SUCLG2: variants seen among roughly 807,000 people sequenced by gnomAD.
The protein encoded by SUCLG2 is succinate-CoA ligase GDP-forming subunit beta, also known as succinate--CoA ligase [GDP-forming] subunit beta, mitochondrial.
A neutral mutation model predicts 47.9 loss-of-function variants in SUCLG2; 42 were observed. That is an observed-to-expected ratio of 0.88 (90% confidence interval 0.69 to 1.14). The LOEUF (loss-of-function observed/expected upper bound fraction) is 1.14. Ranked by LOEUF, SUCLG2 falls within the 50% of genes most tolerant of loss-of-function variation. SUCLG2 has a pLI of 0.00. For synonymous variants in SUCLG2, 195 were observed against 197.3 expected, an observed-to-expected ratio of 0.99 and a Z score of 0.10; for missense variants, 571 against 525.9, an observed-to-expected ratio of 1.09 and a Z score of -0.84.
At chr3:67,445,660 C>A (rs1703910741) in intron 9 of SUCLG2, among the ~76,000 whole-genome samples, 1 of 19,314 alleles carries the variant, frequency 5.2e-5, no homozygotes, top group Non-Finnish European at 1.0e-4. Context: ...ATGAAAGCTG[C>A]AATAGAAACT....
chr3:67,496,500 T>A (rs1242374558), intron 8 of SUCLG2, among the ~76,000 whole-genome samples: 2 of 152,174 alleles, frequency 1.3e-5, no homozygotes, highest in South Asian at 4.1e-4. Context: ...CTTAGTACAG[T>A]CATACATGTT....
Position 67,360,719 on chromosome 3 carries a change from T to C in SUCLG2, c.1233A>G (p.Thr411=). The change falls in exon 11 of 11, where the codon ACA becomes ACG. Residue 411 remains threonine (T), a synonymous_variant. Coordinates refer to the SUCLG2 transcript ENST00000493112. ...CAGTTATATTCTCATTTGAATTTCC[T>C]GTTTCTTGTTTTATGTGCATATAAC... The C allele has an allele frequency of 2.0e-6, 3 of 1,533,130 alleles. No individual in the cohort carries two copies. The highest frequency in any genetic ancestry group is 2.6e-6 in the Non-Finnish European group (3 of 1,145,158). The allele number at this position is 1,533,130 out of a possible 1,614,324, so 95.0% of individuals were successfully genotyped here. A position where few individuals can be genotyped will look rare whatever the true frequency, so the allele number is the denominator to read the frequency against.
At chr3:67,426,789 G>A (rs1703311570) in intron 9 of SUCLG2, among the ~76,000 whole-genome samples, 1 of 152,098 alleles carries the variant, frequency 6.6e-6, no homozygotes, top group African/African-American at 2.4e-5. Flanking sequence ...TTAGCCAGGT[G>A]TGGTGGTTCG....
At position 67,439,853 on chromosome 3, in the gene SUCLG2, C is replaced by T. The variant is rs954267628; in HGVS notation, c.1063-39002G>A. On this transcript the variant is annotated intron_variant, in intron 9 of 10. Coordinates refer to ENST00000307227, the MANE Select transcript of SUCLG2 (RefSeq NM_003848.4). ...GCTATCCCCATCAAGCTACCACTGACTTTCTTCACAGAATTAGAAAAATCT... is the reference window on the plus strand; with the variant it reads ...GCTATCCCCATCAAGCTACCACTGATTTTCTTCACAGAATTAGAAAAATCT... Among the ~76,000 whole-genome samples, 12 of 152,316 alleles carry T rather than the reference C, an allele frequency of 7.9e-5. 1 individual carries two copies. The South Asian group carries it at 2.5e-3, about 32-fold the overall frequency.
At position 67,627,537 on chromosome 3, in the gene SUCLG2, C is replaced by A. The variant is rs140522313; in HGVS notation, c.85-17941G>T. The stretch of plus-strand genomic sequence containing the variant: ...GTTATGAAGTTATTTTGTCTCAGCT[C>A]CAAAATCTCCTTTCTAGGTGTTCAT... On this transcript the variant is annotated intron_variant, in intron 1 of 10. Coordinates refer to ENST00000307227, the MANE Select transcript of SUCLG2 (RefSeq NM_003848.4). Among the ~76,000 whole-genome samples, 513 of 152,304 alleles carry A rather than the reference C, an allele frequency of 3.4e-3. 3 individuals carry two copies. Among genetic ancestry groups the A allele is most frequent in the African/African-American group, 0.012 (495 of 41,582 alleles).
intron 9 of SUCLG2, among the ~76,000 whole-genome samples, chr3:67,433,801 T>TAAA (rs74541880): frequency 1.5e-5 from 2 of 135,092 alleles, no homozygotes; most frequent in Admixed American, 7.4e-5. Context: ...CGGGATTTAG[T>TAAA]AAAAAAAAAA....
intron 9 of SUCLG2, among the ~76,000 whole-genome samples, chr3:67,421,034 G>C (rs562326148): frequency 2.0e-4 from 30 of 152,266 alleles, no homozygotes; most frequent in Non-Finnish European, 3.8e-4. Context: ...CACATCATAA[G>C]TATCAGGTCA....
chr3:67,649,378 A>G (rs1248397963), intron 1 of SUCLG2, among the ~76,000 whole-genome samples: 1 of 152,248 alleles, frequency 6.6e-6, no homozygotes, highest in African/African-American at 2.4e-5. Context: ...CATTCTATAA[A>G]GAATGAGCTG....
chr3:67,422,543 G>C (rs1703192035), intron 9 of SUCLG2, among the ~76,000 whole-genome samples: 1 of 142,958 alleles, frequency 7.0e-6, no homozygotes, highest in Non-Finnish European at 1.5e-5. Context: ...TACAATATGT[G>C]TACAACTGTG....
chr3:67,382,350 A>C (rs1649283693), intron 10 of SUCLG2, among the ~76,000 whole-genome samples: 1 of 152,216 alleles, frequency 6.6e-6, no homozygotes, highest in African/African-American at 2.4e-5. Flanking sequence ...GGTTCACCTG[A>C]GGGTAAAGCC....
At chr3:67,463,176 T>A (rs867815137) in intron 9 of SUCLG2, among the ~76,000 whole-genome samples, 1 of 152,322 alleles carries the variant, frequency 6.6e-6, no homozygotes, top group Middle Eastern at 3.4e-3. Flanking sequence ...TCTGAGACTG[T>A]CTTCTTAACA....
At chr3:67,430,173 T>C (rs1703437796) in intron 9 of SUCLG2, among the ~76,000 whole-genome samples, 1 of 152,200 alleles carries the variant, frequency 6.6e-6, no homozygotes, top group Admixed American at 6.5e-5. Flanking sequence ...ACATTGCACT[T>C]ATTCCAAAAT....
chr3:67,469,853 C>A (rs556077383), intron 9 of SUCLG2, among the ~76,000 whole-genome samples: 4 of 152,056 alleles, frequency 2.6e-5, no homozygotes, highest in Non-Finnish European at 4.4e-5. Context: ...CGAGACCAGC[C>A]TGACCAACAT....
chr3:67,505,616 T>G (rs1490390167), intron 7 of SUCLG2, among the ~76,000 whole-genome samples: 1 of 152,128 alleles, frequency 6.6e-6, no homozygotes, highest in Non-Finnish European at 1.5e-5. Context: ...ACCTGAATTA[T>G]TAAAAATAGC....
At chr3:67,534,741 T>C (rs1254370558) in intron 2 of SUCLG2, among the ~76,000 whole-genome samples, 1 of 104,024 alleles carries the variant, frequency 9.6e-6, no homozygotes, top group African/African-American at 3.9e-5. Context: ...AAAAAAGCCT[T>C]AGGACAGAAC....
At chr3:67,364,864 G>A (rs937556845) in intron 10 of SUCLG2, among the ~76,000 whole-genome samples, 5 of 152,112 alleles carry the variant, frequency 3.3e-5, no homozygotes, top group African/African-American at 9.7e-5. Context: ...ATCATCTAAC[G>A]GACAGTTTAA....
At chr3:67,366,789 C>T (rs1346443423) in intron 10 of SUCLG2, among the ~76,000 whole-genome samples, 1 of 152,146 alleles carries the variant, frequency 6.6e-6, no homozygotes, top group Non-Finnish European at 1.5e-5. Context: ...TTTTTGTATA[C>T]TCAGGAGGCA....
At chr3:67,592,745 A>AAG in intron 2 of SUCLG2, among the ~76,000 whole-genome samples, 1 of 147,938 alleles carries the variant, frequency 6.8e-6, no homozygotes, top group African/African-American at 2.5e-5. Flanking sequence ...AACAACAAAA[A>AAG]AAAACTGAAT....
intron 9 of SUCLG2, among the ~76,000 whole-genome samples, chr3:67,472,950 T>G (rs1400912837): frequency 1.3e-5 from 2 of 152,142 alleles, no homozygotes; most frequent in African/African-American, 4.8e-5. Flanking sequence ...TATAAGGGTG[T>G]AATCATATAA....
Sources: gnomAD v4.1 joint callset for allele counts (sites outside exome capture counted in the v4.1 genomes callset) on GRCh38, gnomAD v4.1.1 for gene constraint, MANE v1.5 for transcripts, NCBI Gene and HGNC (gene_info 2026-07-23, HGNC 2026-07-21) for gene names.